The following LRRC72 variants were observed in gnomAD, a reference collection of about 807,000 sequenced individuals.
The protein encoded by LRRC72 is leucine-rich repeat-containing protein 72.
LRRC72 carries 41 observed loss-of-function variants against 35.8 expected under a neutral mutation model. The ratio of observed to expected loss-of-function variants is 1.15; its 90% confidence interval spans 0.89 to 1.49. The LOEUF is 1.49. Ranked by LOEUF, LRRC72 falls within the 40% of genes most tolerant of loss-of-function variation. The probability of loss-of-function intolerance (pLI) is 0.00; values close to 1 mark genes in which losing one functional copy is unlikely to be tolerated. For synonymous variants in LRRC72, 118 were observed against 119.2 expected (o/e 0.99, Z 0.07); for missense variants, 389 against 330.7 (o/e 1.18, Z -1.37).
chr7:16,560,325 AT>A (rs1217684083), intron 5 of LRRC72, among the ~76,000 whole-genome samples: 1 of 152,214 alleles, frequency 6.6e-6, no homozygotes, highest in Non-Finnish European at 1.5e-5. Context: ...TAAGGTTTCC[AT>A]ATATTGTTAG....
At chr7:16,559,452 A>T (rs1782707529) in intron 5 of LRRC72, among the ~76,000 whole-genome samples, 2 of 152,154 alleles carry the variant, frequency 1.3e-5, no homozygotes, top group Admixed American at 6.5e-5. Flanking sequence ...GTCTTTTAAG[A>T]TACGCTTTTG....
intron 3 of LRRC72, among the ~76,000 whole-genome samples, chr7:16,553,783 T>G (rs1332495627): frequency 6.6e-6 from 1 of 152,186 alleles, no homozygotes; most frequent in East Asian, 1.9e-4. Flanking sequence ...CTTCCTTAAT[T>G]TTAAATTCAT....
Position 16,566,297 on chromosome 7 carries a change from G to T in LRRC72, c.428-16G>T. 2 of 1,457,220 alleles carry T rather than the reference G, an allele frequency of 1.4e-6. No individual in the cohort carries two copies. The highest frequency in any genetic ancestry group is 1.8e-6 in the Non-Finnish European group (2 of 1,089,400). The allele number at this position is 1,457,220 out of a possible 1,614,324, so 90.3% of individuals were successfully genotyped here. Reference sequence around the variant, plus strand: ...TTTGAAATCTGACATTTTTATTTTGGATTCTTCATTTGCAGGTCTATACCA... The same window carrying T: ...TTTGAAATCTGACATTTTTATTTTGTATTCTTCATTTGCAGGTCTATACCA... On this transcript the variant is annotated splice_polypyrimidine_tract_variant and intron_variant, in intron 5 of 8. Coordinates refer to ENST00000401542, the MANE Select transcript of LRRC72 (RefSeq NM_001195280.2).
chr7:16,561,152 C>T (rs2051435885), intron 5 of LRRC72, among the ~76,000 whole-genome samples: 2 of 152,096 alleles, frequency 1.3e-5, no homozygotes, highest in South Asian at 4.1e-4. Context: ...TGACACTATT[C>T]TAGATAATAG....
At chr7:16,539,810 G>A (rs1368804415) in intron 3 of LRRC72, among the ~76,000 whole-genome samples, 1 of 152,252 alleles carries the variant, frequency 6.6e-6, no homozygotes, top group African/African-American at 2.4e-5. Flanking sequence ...TGTTGGGCCT[G>A]CAGGTGCACA....
At chr7:16,557,543 C>G (rs1180451743) in intron 4 of LRRC72, 102 bp downstream of exon 4, 3 of 379,262 alleles carry the variant, frequency 7.9e-6, no homozygotes, top group African/African-American at 2.1e-5. Flanking sequence ...TTTAACATTT[C>G]TGTTGAAAAT....
At chr7:16,564,202 G>T (rs898336930) in intron 5 of LRRC72, among the ~76,000 whole-genome samples, 3 of 152,318 alleles carry the variant, frequency 2.0e-5, no homozygotes, top group South Asian at 4.1e-4. Context: ...AGGGTTATGA[G>T]GTGTCAGATG....
chr7:16,550,639 A>T (rs1782533182), intron 3 of LRRC72, among the ~76,000 whole-genome samples: 1 of 152,222 alleles, frequency 6.6e-6, no homozygotes, highest in Admixed American at 6.5e-5. Context: ...TTTGTTACTT[A>T]TCAGCTTTTC....
At chr7:16,558,607 T>A (rs939777774) in intron 4 of LRRC72, among the ~76,000 whole-genome samples, 1 of 151,726 alleles carries the variant, frequency 6.6e-6, no homozygotes, top group Admixed American at 6.6e-5. Context: ...TGAAACTCCA[T>A]CTCAAAAAAT....
chr7:16,531,231 T>C (rs1473839622), intron 1 of LRRC72, among the ~76,000 whole-genome samples: 1 of 150,422 alleles, frequency 6.6e-6, no homozygotes. Context: ...AAAACCCAGA[T>C]GACAATGTCT....
intron 1 of LRRC72, chr7:16,530,513 T>A (rs1782143434): frequency 6.6e-6 from 1 of 152,214 alleles, no homozygotes; most frequent in Admixed American, 6.5e-5. Context: ...TTTACCAGCT[T>A]CTGGGCATCC....
Position 16,532,566 on chromosome 7 carries a change from AAAGT to A in LRRC72, c.164+3_164+6del. On this transcript the variant is annotated splice_donor_variant and coding_sequence_variant, in exon 2 of 9. Coordinates refer to ENST00000401542, the MANE Select transcript of LRRC72 (RefSeq NM_001195280.2). LOFTEE classifies it high-confidence loss of function. ...ATGTCTTTGAGCTGTTCCTTTCTAA[AAAGT>A]AAGTGTACTTAACATAAAAAATGAA... 6.5e-7 allele frequency: 1 copy of A among 1,544,764 alleles called. No individual in the cohort carries two copies. Among genetic ancestry groups the A allele is most frequent in the Non-Finnish European group, 8.8e-7 (1 of 1,141,672 alleles).
At chr7:16,539,514 A>G (rs920787955) in intron 3 of LRRC72, among the ~76,000 whole-genome samples, 6 of 152,244 alleles carry the variant, frequency 3.9e-5, no homozygotes, top group African/African-American at 1.2e-4. Flanking sequence ...ATTAGGTAAA[A>G]AAGAAAAACT....
chr7:16,554,291 T>C (rs1400733655), intron 3 of LRRC72, among the ~76,000 whole-genome samples: 5 of 152,084 alleles, frequency 3.3e-5, no homozygotes, highest in Non-Finnish European at 2.9e-5. Flanking sequence ...GATTGCACCA[T>C]TGCACTCCAG....
At chr7:16,567,321 T>G (rs1030387668) in intron 6 of LRRC72, 70 bp from the exon 7 acceptor site, 15 of 1,067,872 alleles carry the variant, frequency 1.4e-5, no homozygotes, top group Non-Finnish European at 1.9e-5. Context: ...TTGAAAGTGT[T>G]CAGTTCTATT....
At chr7:16,532,146 T>G (rs112497922) in intron 1 of LRRC72, among the ~76,000 whole-genome samples, 1,767 of 152,270 alleles carry the variant, frequency 0.012, 31 homozygotes, top group African/African-American at 0.04. Context: ...ATACTAATTC[T>G]TCATGTTCAA....
intron 3 of LRRC72, among the ~76,000 whole-genome samples, chr7:16,544,872 C>A (rs2128335806): frequency 6.6e-6 from 1 of 152,290 alleles, no homozygotes; most frequent in Non-Finnish European, 1.5e-5. Context: ...TGCTGTGCAG[C>A]AAAAACCAAT....
At chr7:16,527,097 G>A (rs1156542240) in intron 1 of LRRC72, 55 bp downstream of exon 1, 9 of 1,430,924 alleles carry the variant, frequency 6.3e-6, no homozygotes, top group Non-Finnish European at 8.6e-6. Flanking sequence ...CTGCCCCAGG[G>A]CCCCACCTCC....
chr7:16,531,711 A>T (rs1261929521), intron 1 of LRRC72, among the ~76,000 whole-genome samples: 1 of 152,242 alleles, frequency 6.6e-6, no homozygotes, highest in African/African-American at 2.4e-5. Flanking sequence ...AATTACAGAC[A>T]GACTTTACTT....
Sources: gnomAD v4.1 joint callset for allele counts (sites outside exome capture counted in the v4.1 genomes callset) on GRCh38, gnomAD v4.1.1 for gene constraint, MANE v1.5 for transcripts, NCBI Gene and HGNC (gene_info 2026-07-23, HGNC 2026-07-21) for gene names.